Variants in CAPN5 observed in about 807,000 individuals in gnomAD.
CAPN5 encodes calpain 5.
A neutral mutation model predicts 73.0 loss-of-function variants in CAPN5; 54 were observed. That is an observed-to-expected ratio of 0.74 (90% CI 0.59 to 0.93). The LOEUF is 0.93. Among genes scored for constraint, CAPN5 ranks in the 40% least tolerant of loss-of-function variants. CAPN5 has a pLI of 0.00. For missense variants in CAPN5, 785 were observed against 882.9 expected (o/e 0.89, Z 1.41); for synonymous variants, 335 against 356.9 (o/e 0.94, Z 0.69).
chr11:77,114,469 C>G, intron 5 of CAPN5, 35 bp downstream of exon 5: 1 of 1,578,770 alleles, frequency 6.3e-7, no homozygotes, highest in South Asian at 1.1e-5. Context: ...GCGACCCCTC[C>G]CCTTCACCCT....
At chr11:77,104,388 G>A (rs1389661588) in intron 3 of CAPN5, among the ~76,000 whole-genome samples, 3 of 152,180 alleles carry the variant, frequency 2.0e-5, no homozygotes, top group Non-Finnish European at 4.4e-5. Context: ...GGCATTTCTT[G>A]GGCTTCTTCA....
chr11:77,075,522 C>T (rs1320935636), intron 1 of CAPN5, among the ~76,000 whole-genome samples: 3 of 152,164 alleles, frequency 2.0e-5, no homozygotes, highest in Non-Finnish European at 4.4e-5. Flanking sequence ...CAGCCTGGGG[C>T]ACTTTCCCAC....
intron 2 of CAPN5, among the ~76,000 whole-genome samples, chr11:77,087,171 C>A (rs550858840): frequency 6.6e-6 from 1 of 152,242 alleles, no homozygotes; most frequent in Non-Finnish European, 1.5e-5. Flanking sequence ...TTTCCTAAAC[C>A]ATGTGTGTAG....
intron 3 of CAPN5, among the ~76,000 whole-genome samples, chr11:77,107,134 A>C (rs950044814): frequency 1.3e-5 from 2 of 152,166 alleles, no homozygotes; most frequent in Non-Finnish European, 2.9e-5. Flanking sequence ...CCAAGAAGGC[A>C]GGGGGTGCCC....
intron 3 of CAPN5, among the ~76,000 whole-genome samples, chr11:77,105,372 C>T (rs1241199269): frequency 6.6e-6 from 1 of 152,114 alleles, no homozygotes; most frequent in East Asian, 1.9e-4. Flanking sequence ...CTGAGGCTGG[C>T]CAGGAGCCTC....
intron 3 of CAPN5, among the ~76,000 whole-genome samples, chr11:77,099,728 G>A (rs1356983886): frequency 2.7e-5 from 4 of 148,198 alleles, no homozygotes; most frequent in East Asian, 2.1e-4. Flanking sequence ...AGAGGGAGAC[G>A]GAGAGGGAGA....
intron 2 of CAPN5, among the ~76,000 whole-genome samples, chr11:77,090,088 G>T (rs782242065): frequency 3.3e-5 from 5 of 152,152 alleles, no homozygotes; most frequent in Admixed American, 6.5e-5. Flanking sequence ...CTGCCACATA[G>T]CAGGTGCCCA....
chr11:77,071,809 TGCAGTGG>T (rs566553193), intron 1 of CAPN5: 41 of 344,904 alleles, frequency 1.2e-4, no homozygotes, highest in African/African-American at 8.4e-4. Context: ...CTTGGAGCAG[TGCAGTGG>T]GCCTGGAAGT....
In CAPN5 at chr11:77,116,636, G is replaced by C. The variant is rs139215220; in HGVS notation, c.971+333G>C. Among the ~76,000 whole-genome samples, 239 of 152,338 alleles carry C rather than the reference G, an allele frequency of 1.6e-3. 2 individuals are homozygous for C. Among genetic ancestry groups the C allele is most frequent in the African/African-American group, 5.5e-3 (228 of 41,586 alleles). ...AGGATCTCCCCGGCAAGGGTAAGGA[G>C]GCATGAAGCACAGTCCAGCACCAGC... On this transcript the variant is annotated intron_variant, in intron 7 of 12. Coordinates refer to ENST00000648180, the MANE Select transcript of CAPN5 (RefSeq NM_004055.5).
At chr11:77,089,170 G>A (rs1950123030) in intron 2 of CAPN5, among the ~76,000 whole-genome samples, 1 of 152,218 alleles carries the variant, frequency 6.6e-6, no homozygotes, top group Non-Finnish European at 1.5e-5. Flanking sequence ...GGACAGGGAT[G>A]GAAGGGAGCA....
intron 1 of CAPN5, among the ~76,000 whole-genome samples, chr11:77,067,472 C>A (rs1032369709): frequency 1.3e-5 from 2 of 152,116 alleles, no homozygotes; most frequent in East Asian, 3.9e-4. Context: ...GCTTAACCCC[C>A]CTTTCATCCC....
At chr11:77,086,518 C>T (rs1396214922) in intron 2 of CAPN5, among the ~76,000 whole-genome samples, 1 of 152,230 alleles carries the variant, frequency 6.6e-6, no homozygotes, top group African/African-American at 2.4e-5. Context: ...ATCTCTGGCC[C>T]TGTACTGACT....
At chr11:77,123,402 G>A (rs1950542753) in intron 12 of CAPN5, among the ~76,000 whole-genome samples, 2 of 152,190 alleles carry the variant, frequency 1.3e-5, no homozygotes, top group South Asian at 4.1e-4. Context: ...GGGAAACTAG[G>A]GCAGTGGGTG....
intron 3 of CAPN5, among the ~76,000 whole-genome samples, chr11:77,099,908 C>G (rs1555038509): frequency 2.0e-5 from 3 of 152,098 alleles, no homozygotes; most frequent in Non-Finnish European, 2.9e-5. Context: ...GCGATCACGG[C>G]TCACCGTAAC....
chr11:77,080,941 C>T (rs1440506527), intron 1 of CAPN5, among the ~76,000 whole-genome samples: 1 of 152,212 alleles, frequency 6.6e-6, no homozygotes. Flanking sequence ...GTGAGCACCC[C>T]AGCCCCCTCA....
chr11:77,085,781 G>C lies in CAPN5; in HGVS notation c.165+730G>C, dbSNP rs546312075. On this transcript the variant is annotated intron_variant, in intron 2 of 12. Transcript: ENST00000648180. Reference sequence around the variant, plus strand: ...TGGGCTGGGGAGGGGTTCGCTGCTTGTCTGTGGGTCCTGCAGAATGGGGTC... The same window carrying C: ...TGGGCTGGGGAGGGGTTCGCTGCTTCTCTGTGGGTCCTGCAGAATGGGGTC... 2.0e-5 allele frequency among the ~76,000 whole-genome samples: 3 copies of C among 152,310 alleles called. No homozygotes were observed. The East Asian group carries it at 5.8e-4, about 29-fold the overall frequency.
At position 77,115,569 on chromosome 11, in the gene CAPN5, A is replaced by G. The variant is rs2135479466; in HGVS notation, c.874A>G (p.Asn292Asp). 2 of 1,611,736 alleles carry G rather than the reference A, an allele frequency of 1.2e-6. No individual in the cohort carries two copies. Among genetic ancestry groups the G allele is most frequent in the Non-Finnish European group, 1.7e-6 (2 of 1,179,362 alleles). Residue 292 changes from asparagine (N) to aspartate (D), a missense_variant, in exon 6 of 13, where the codon AAC becomes GAC. Transcript: ENST00000648180. ...LRNPWGEREW[N>D]GPWSDTSEEW... ...CAACCCCTGGGGCGAGCGGGAGTGGAACGGGCCCTGGAGTGACACGTGAGG... is the reference window on the plus strand; with the variant it reads ...CAACCCCTGGGGCGAGCGGGAGTGGGACGGGCCCTGGAGTGACACGTGAGG...
intron 2 of CAPN5, among the ~76,000 whole-genome samples, chr11:77,090,384 GA>G (rs1483024097): frequency 4.6e-5 from 7 of 152,226 alleles, no homozygotes; most frequent in Non-Finnish European, 8.8e-5. Context: ...TCAAGGACTG[GA>G]GAAGTGTCTG....
intron 1 of CAPN5, among the ~76,000 whole-genome samples, chr11:77,068,791 G>A (rs782659223): frequency 6.6e-6 from 1 of 152,102 alleles, no homozygotes; most frequent in African/African-American, 2.4e-5. Context: ...AGGTGCCCAG[G>A]GGCTAAGGGG....
Sources: allele counts gnomAD v4.1 joint callset (sites outside exome capture counted in the v4.1 genomes callset), GRCh38; gene constraint gnomAD v4.1.1; transcripts MANE v1.5; gene names NCBI Gene and HGNC (gene_info 2026-07-23, HGNC 2026-07-21).